C3orf20: variants seen among roughly 807,000 people sequenced by gnomAD.
The protein encoded by C3orf20 is family with sequence similarity 149 member C, also known as uncharacterized protein C3orf20.
In C3orf20, 76 loss-of-function variants were observed where a neutral mutation model predicts 88.3. The ratio of observed to expected loss-of-function variants is 0.86; its 90% CI spans 0.72 to 1.04. C3orf20 has a LOEUF of 1.04. Among genes scored for constraint, C3orf20 ranks in the 50% least tolerant of loss-of-function variants. C3orf20 has a pLI of 0.00. For missense variants in C3orf20, 1,056 were observed against 1,123.3 expected, an observed-to-expected ratio of 0.94 and a Z score of 0.86; for synonymous variants, 436 against 437.4, an observed-to-expected ratio of 1.00 and a Z score of 0.04.
rs145058645 is a variant in C3orf20 at position 14,728,672 on chromosome 3, G to T, written c.1924G>T (p.Ala642Ser). ...GAAGACCACCAAAATCCACACCAAA[G>T]CCAAGGTCACATCCAGGTTGGCTTG... Reference protein sequence around the residue: ...VRKTTKIHTKAKVTSRGKARE... With the variant: ...VRKTTKIHTKSKVTSRGKARE... Residue 642 changes from alanine (A) to serine (S), a missense_variant, in exon 12 of 17, where the codon GCC becomes TCC. By Grantham distance (99) the Ala-to-Ser change is moderately conservative (BLOSUM62 1). Coordinates refer to ENST00000253697, the MANE Select transcript of C3orf20 (RefSeq NM_032137.5). 6.2e-7 allele frequency: 1 copy of T among 1,613,648 alleles called. No homozygotes were observed. The highest frequency in any genetic ancestry group is 1.3e-5 in the African/African-American group (1 of 75,040).
intron 5 of C3orf20, among the ~76,000 whole-genome samples, chr3:14,700,430 C>T (rs2033205163): frequency 6.6e-6 from 1 of 152,160 alleles, no homozygotes. Flanking sequence ...ACCAATTAAA[C>T]TTTATCATAG....
chr3:14,712,178 GCGCGCACACA>G (rs1435037349), intron 7 of C3orf20, among the ~76,000 whole-genome samples: 1,174 of 108,972 alleles, frequency 0.011, 5 homozygotes, highest in East Asian at 0.017. Flanking sequence ...ACACACGCGC[GCGCGCACACA>G]CACACACACA....
At chr3:14,756,633 A>G (rs965057447) in intron 12 of C3orf20, among the ~76,000 whole-genome samples, 14 of 152,222 alleles carry the variant, frequency 9.2e-5, no homozygotes, top group African/African-American at 3.4e-4. Flanking sequence ...TGAGAGTGAC[A>G]TAATGGCTCT....
At position 14,728,376 on chromosome 3, in the gene C3orf20, G is replaced by C. The variant is rs938009696; in HGVS notation, c.1691-63G>C. The C allele has an allele frequency of 3.1e-6, 5 of 1,599,196 alleles. No individual in the cohort carries two copies. The South Asian group carries it at 5.6e-5, about 18-fold the overall frequency. On this transcript the variant is annotated intron_variant, in intron 11 of 16. Coordinates refer to ENST00000253697, the MANE Select transcript of C3orf20 (RefSeq NM_032137.5). The stretch of plus-strand genomic sequence containing the variant: ...GGTGCACTTAGATGTTTCCAGTCTG[G>C]GACCAGGGGCAGAGGAGTCCTGGCC...
chr3:14,684,571 G>A (rs2032296554), intron 4 of C3orf20, among the ~76,000 whole-genome samples, 189 bp downstream of exon 4: 2 of 152,168 alleles, frequency 1.3e-5, no homozygotes, highest in Non-Finnish European at 1.5e-5. Context: ...AGAGTGGTTT[G>A]GCGGTATCTG....
intron 11 of C3orf20, 101 bp from the exon 12 acceptor site, chr3:14,728,338 G>T: frequency 7.0e-7 from 1 of 1,430,368 alleles, no homozygotes; most frequent in Non-Finnish European, 9.7e-7. Context: ...GGGAGGAGAT[G>T]GGGGTGAGCC....
intron 1 of C3orf20, among the ~76,000 whole-genome samples, chr3:14,681,683 A>G (rs564504560): frequency 6.6e-6 from 1 of 152,216 alleles, no homozygotes; most frequent in African/African-American, 2.4e-5. Flanking sequence ...GTAGCATAAG[A>G]TGTGACTAGT....
Position 14,682,717 on chromosome 3 carries a change from A to T in C3orf20, c.4A>T (p.Ser2Cys). 1 of 1,605,450 alleles carries T rather than the reference A, an allele frequency of 6.2e-7. No individual in the cohort carries two copies. The highest frequency in any genetic ancestry group is 1.3e-5 in the African/African-American group (1 of 74,824). The change falls in exon 3 of 17, where the codon AGT (serine) becomes TGT (cysteine). Residue 2 changes from serine to cysteine, a missense_variant. Physicochemically the swap from Ser to Cys is moderately radical, Grantham distance 112. Transcript: ENST00000253697. M[S>C]YIKSNLELYQ... ...TTTATAGCTGAAGGTCCCTCTCATG[A>T]GTTACATCAAGAGTAACCTAGAATT...
chr3:14,692,059 C>G (rs1020353300), intron 5 of C3orf20, among the ~76,000 whole-genome samples: 2 of 152,168 alleles, frequency 1.3e-5, no homozygotes, highest in Non-Finnish European at 2.9e-5. Context: ...CATGTTGTTG[C>G]AAATGACAGG....
At chr3:14,695,942 C>T (rs888878021) in intron 5 of C3orf20, among the ~76,000 whole-genome samples, 4 of 151,876 alleles carry the variant, frequency 2.6e-5, no homozygotes, top group East Asian at 3.9e-4. Flanking sequence ...AACCCTATGT[C>T]GTTTGATTGG....
In C3orf20 at chr3:14,772,151, A is replaced by G. The variant is rs915587977; in HGVS notation, c.2580A>G (p.Ser860=). ...ESEDIQGSSS[S]LALEDYVEKE... is the part of the protein sequence containing the mutation. ...AAGATATCCAAGGAAGCAGCTCCTC[A>G]TTGGCCCTGGAAGACTATGTGGAGA... The change falls in exon 16 of 17, where the codon TCA becomes TCG. Residue 860 remains serine (S), a synonymous_variant. Transcript: ENST00000253697. The surrounding 1 kb of genome is among the most constrained non-coding windows in gnomAD (Gnocchi z 4.2). 5 of 1,614,120 alleles carry G rather than the reference A, an allele frequency of 3.1e-6. No homozygotes were observed. In the African/African-American group the frequency reaches 4.0e-5, roughly 13 times the overall value.
At chr3:14,763,569 A>G (rs1038144714) in intron 15 of C3orf20, among the ~76,000 whole-genome samples, 1 of 152,212 alleles carries the variant, frequency 6.6e-6, no homozygotes, top group African/African-American at 2.4e-5. Flanking sequence ...CAGACATCAC[A>G]GTGGAGGATG....
chr3:14,770,073 G>A (rs1174714096), intron 15 of C3orf20, among the ~76,000 whole-genome samples: 1 of 152,126 alleles, frequency 6.6e-6, no homozygotes, highest in Non-Finnish European at 1.5e-5. Context: ...CTCTAGGGGG[G>A]CCCTGGAGGA....
intron 10 of C3orf20, among the ~76,000 whole-genome samples, chr3:14,725,968 A>C (rs1380097664): frequency 6.6e-6 from 1 of 152,164 alleles, no homozygotes; most frequent in Admixed American, 6.5e-5. Flanking sequence ...GGCTGAGGAA[A>C]TCAGGGAAGG....
chr3:14,752,799 C>T (rs750004320), intron 12 of C3orf20, among the ~76,000 whole-genome samples: 13 of 152,298 alleles, frequency 8.5e-5, no homozygotes, highest in East Asian at 1.9e-4. Flanking sequence ...TATCATCTCA[C>T]GCCAGTTAGA....
At chr3:14,755,428 C>T (rs2035334416) in intron 12 of C3orf20, among the ~76,000 whole-genome samples, 3 of 152,038 alleles carry the variant, frequency 2.0e-5, no homozygotes, top group Admixed American at 2.0e-4. Context: ...GGCTTAATTG[C>T]CCCACATTTA....
chr3:14,690,857 C>T (rs906241428), intron 5 of C3orf20, among the ~76,000 whole-genome samples: 4 of 152,314 alleles, frequency 2.6e-5, no homozygotes, highest in African/African-American at 9.6e-5. Context: ...GGCAGGAATG[C>T]TCAGGCTGTC....
chr3:14,680,949 G>A (rs1489622413), intron 1 of C3orf20, among the ~76,000 whole-genome samples: 1 of 152,218 alleles, frequency 6.6e-6, no homozygotes, highest in Non-Finnish European at 1.5e-5. Context: ...GCAAAGCTGA[G>A]GAATGGAGAT....
intron 12 of C3orf20, among the ~76,000 whole-genome samples, chr3:14,748,158 G>A (rs2035112507): frequency 6.6e-6 from 1 of 151,676 alleles, no homozygotes; most frequent in Admixed American, 6.6e-5. Flanking sequence ...CTTGTTAGAG[G>A]CTTATTCAGA....
Sources: allele counts gnomAD v4.1 joint callset (sites outside exome capture counted in the v4.1 genomes callset), GRCh38; gene constraint gnomAD v4.1.1; non-coding constraint Gnocchi (gnomAD v3.1); transcripts MANE v1.5; gene names NCBI Gene and HGNC (gene_info 2026-07-23, HGNC 2026-07-21).